KCNIP4: variants seen among roughly 807,000 people sequenced by gnomAD.
KCNIP4 encodes potassium voltage-gated channel interacting protein 4, also known as Kv channel-interacting protein 4.
A neutral mutation model predicts 34.0 loss-of-function variants in KCNIP4; 12 were observed. The observed-to-expected ratio is 0.35, with a 90% CI of 0.23 to 0.57. The LOEUF is 0.57. Among genes scored for constraint, KCNIP4 ranks in the 20% least tolerant of loss-of-function variants. The pLI, the probability that KCNIP4 is intolerant of heterozygous loss-of-function variation, is 0.83. For missense variants in KCNIP4, 238 were observed against 311.7 expected (o/e 0.76, Z 1.78); for synonymous variants, 124 against 102.2 (o/e 1.21, Z -1.29).
At chr4:21,393,839 A>T (rs1722753427) in intron 1 of KCNIP4, among the ~76,000 whole-genome samples, 1 of 152,038 alleles carries the variant, frequency 6.6e-6, no homozygotes, top group Non-Finnish European at 1.5e-5. Flanking sequence ...ATTTAGGTAA[A>T]CTTAAAAGAC....
intron 1 of KCNIP4, among the ~76,000 whole-genome samples, chr4:21,356,490 G>A (rs182524388): frequency 3.2e-3 from 485 of 152,224 alleles, no homozygotes; most frequent in Non-Finnish European, 4.8e-3. Flanking sequence ...AAATCAGTGC[G>A]CAAAAATCAC....
intron 1 of KCNIP4, among the ~76,000 whole-genome samples, chr4:21,391,291 T>C (rs1328089262): frequency 6.6e-6 from 1 of 152,080 alleles, no homozygotes; most frequent in Non-Finnish European, 1.5e-5. Flanking sequence ...GTAATTTCCA[T>C]TTAGTTTATG....
At chr4:20,866,163 C>T (rs911081444) in intron 2 of KCNIP4, among the ~76,000 whole-genome samples, 1 of 151,916 alleles carries the variant, frequency 6.6e-6, no homozygotes, top group Non-Finnish European at 1.5e-5. Flanking sequence ...TCTATGAAGC[C>T]AGCATCACCC....
At chr4:21,517,438 A>G (rs1206438325) in intron 1 of KCNIP4, among the ~76,000 whole-genome samples, 3 of 152,194 alleles carry the variant, frequency 2.0e-5, no homozygotes, top group Non-Finnish European at 4.4e-5. Flanking sequence ...AATTAATCAG[A>G]AAGTTATAGA....
chr4:21,558,799 C>T (rs1038115176), intron 1 of KCNIP4, among the ~76,000 whole-genome samples: 2 of 152,142 alleles, frequency 1.3e-5, no homozygotes, highest in African/African-American at 4.8e-5. Context: ...GTAGATTTTG[C>T]TTGCTGGATG....
At chr4:21,596,271 C>T (rs896298531) in intron 1 of KCNIP4, among the ~76,000 whole-genome samples, 1 of 152,066 alleles carries the variant, frequency 6.6e-6, no homozygotes, top group African/African-American at 2.4e-5. Flanking sequence ...TGGATGAATT[C>T]TAATGGGCAA....
chr4:21,263,644 T>C (rs923623966), intron 1 of KCNIP4, among the ~76,000 whole-genome samples: 14 of 152,100 alleles, frequency 9.2e-5, no homozygotes, highest in Non-Finnish European at 1.5e-5. Context: ...TAACTCTAAA[T>C]GTATAGCCAA....
chr4:21,235,285 C>T (rs1205381647), intron 1 of KCNIP4, among the ~76,000 whole-genome samples: 4 of 152,170 alleles, frequency 2.6e-5, no homozygotes, highest in African/African-American at 9.7e-5. Context: ...TCTGATCCAC[C>T]TACCCAGGAT....
intron 1 of KCNIP4, among the ~76,000 whole-genome samples, chr4:21,241,338 G>T (rs1759799322): frequency 6.6e-6 from 1 of 152,050 alleles, no homozygotes; most frequent in South Asian, 2.1e-4. Context: ...GTTTATATGG[G>T]TTTTCTTTGC....
At chr4:20,951,834 A>G (rs755477625) in intron 1 of KCNIP4, among the ~76,000 whole-genome samples, 12 of 152,214 alleles carry the variant, frequency 7.9e-5, no homozygotes, top group Non-Finnish European at 1.6e-4. Context: ...CAAAATGACC[A>G]GTCAAAAACC....
At chr4:21,606,808 G>T (rs1220033920) in intron 1 of KCNIP4, among the ~76,000 whole-genome samples, 5 of 152,046 alleles carry the variant, frequency 3.3e-5, no homozygotes, top group Non-Finnish European at 5.9e-5. Context: ...GGCCAAGCTG[G>T]TCACAAATTC....
chr4:21,504,383 G>A (rs1358612883), intron 1 of KCNIP4, among the ~76,000 whole-genome samples: 1 of 149,596 alleles, frequency 6.7e-6, no homozygotes, highest in South Asian at 2.1e-4. Flanking sequence ...GAGGAGGATC[G>A]TTTGAACCTG....
At chr4:20,803,735 A>T (rs1398241208) in intron 3 of KCNIP4, among the ~76,000 whole-genome samples, 1 of 141,080 alleles carries the variant, frequency 7.1e-6, no homozygotes, top group African/African-American at 2.7e-5. Context: ...GAGAGGAAGG[A>T]AGGAAGGAAG....
chr4:21,899,156 A>T (rs1727567713), intron 1 of KCNIP4, among the ~76,000 whole-genome samples: 2 of 152,344 alleles, frequency 1.3e-5, no homozygotes, highest in East Asian at 1.9e-4. Context: ...AATGTGATAC[A>T]TAATGTCAAA....
At chr4:21,735,838 C>G (rs113979801) in intron 1 of KCNIP4, among the ~76,000 whole-genome samples, 1 of 152,152 alleles carries the variant, frequency 6.6e-6, no homozygotes, top group Non-Finnish European at 1.5e-5. Flanking sequence ...TCTACTCTTA[C>G]GTCTTCCAAA....
At chr4:20,795,137 A>G (rs996634400) in intron 3 of KCNIP4, among the ~76,000 whole-genome samples, 1 of 152,160 alleles carries the variant, frequency 6.6e-6, no homozygotes, top group African/African-American at 2.4e-5. Flanking sequence ...ATAACTGATA[A>G]TGTACACATG....
chr4:21,035,235 G>A (rs1277937312), intron 1 of KCNIP4, among the ~76,000 whole-genome samples: 1 of 152,158 alleles, frequency 6.6e-6, no homozygotes, highest in Non-Finnish European at 1.5e-5. Context: ...GATTTTGTCA[G>A]AACTGCTAGT....
chr4:21,682,479 G>C (rs1560624013), intron 1 of KCNIP4, among the ~76,000 whole-genome samples: 1 of 152,110 alleles, frequency 6.6e-6, no homozygotes, highest in Non-Finnish European at 1.5e-5. Flanking sequence ...CAGCAATAAA[G>C]CTGTTTCACT....
At chr4:21,865,389 A>C (rs902320688) in intron 1 of KCNIP4, among the ~76,000 whole-genome samples, 1 of 151,996 alleles carries the variant, frequency 6.6e-6, no homozygotes, top group South Asian at 2.1e-4. Context: ...GAAAGGATAG[A>C]ACAAGACAGG....
Sources: allele counts gnomAD v4.1 joint callset (sites outside exome capture counted in the v4.1 genomes callset), GRCh38; gene constraint gnomAD v4.1.1; transcripts MANE v1.5; gene names NCBI Gene and HGNC (gene_info 2026-07-23, HGNC 2026-07-21).